The following WWOX variants were observed in gnomAD, a reference collection of about 807,000 sequenced individuals.
The protein encoded by WWOX is WW domain-containing oxidoreductase.
WWOX carries 69 observed loss-of-function variants against 46.2 expected under a neutral mutation model. The observed-to-expected ratio is 1.49, with a 90% CI of 1.23 to 1.82. The LOEUF (loss-of-function observed/expected upper bound fraction) is 1.82, where lower values mean the gene tolerates loss of function less well. Among genes scored for constraint, WWOX ranks in the 40% most tolerant of loss-of-function variants. The pLI is 0.00. For missense variants in WWOX, 919 were observed against 542.6 expected (o/e 1.69, Z -6.89); for synonymous variants, 359 against 202.6 (o/e 1.77, Z -6.56).
intron 1 of WWOX, among the ~76,000 whole-genome samples, chr16:78,100,521 G>C (rs889820805): frequency 1.3e-5 from 2 of 152,230 alleles, no homozygotes; most frequent in Non-Finnish European, 2.9e-5. Flanking sequence ...CCAGAATTGA[G>C]ATTACAGGCG....
intron 6 of WWOX, among the ~76,000 whole-genome samples, chr16:78,389,783 C>A (rs1163981906): frequency 6.6e-6 from 1 of 152,160 alleles, no homozygotes; most frequent in South Asian, 2.1e-4. Context: ...CAGGGTCTCG[C>A]TGTGTTGCCC....
chr16:78,330,445 A>G (rs897101073), intron 5 of WWOX, among the ~76,000 whole-genome samples: 2 of 151,124 alleles, frequency 1.3e-5, no homozygotes. Flanking sequence ...TTGCCAGGCT[A>G]TAGTGCACTG....
intron 8 of WWOX, among the ~76,000 whole-genome samples, chr16:78,982,753 A>G (rs906390134): frequency 6.6e-6 from 1 of 152,164 alleles, no homozygotes; most frequent in Non-Finnish European, 1.5e-5. Flanking sequence ...ACCCTCGAGA[A>G]GTTTGCATTA....
intron 8 of WWOX, among the ~76,000 whole-genome samples, chr16:78,797,399 A>T (rs1422980489): frequency 6.6e-6 from 1 of 150,762 alleles, no homozygotes; most frequent in Non-Finnish European, 1.5e-5. Context: ...AAATATAAAA[A>T]GGCAGCCCCG....
At chr16:78,109,174 G>A (rs564316871) in intron 2 of WWOX, among the ~76,000 whole-genome samples, 1 of 152,282 alleles carries the variant, frequency 6.6e-6, no homozygotes, top group East Asian at 1.9e-4. Context: ...CTGAGATAAT[G>A]TATGATCCAC....
At chr16:79,178,491 A>AT (rs1450229240) in intron 8 of WWOX, among the ~76,000 whole-genome samples, 2 of 151,936 alleles carry the variant, frequency 1.3e-5, no homozygotes, top group East Asian at 3.9e-4. Flanking sequence ...AATTTTCTAA[A>AT]TTTTTTGTAG....
At chr16:78,787,062 C>G (rs186923509) in intron 8 of WWOX, among the ~76,000 whole-genome samples, 1 of 152,096 alleles carries the variant, frequency 6.6e-6, no homozygotes, top group Non-Finnish European at 1.5e-5. Context: ...GCAGGAGAAT[C>G]GCTTGAACCT....
At chr16:78,404,771 C>T (rs191291632) in intron 6 of WWOX, among the ~76,000 whole-genome samples, 17 of 152,288 alleles carry the variant, frequency 1.1e-4, no homozygotes, top group Non-Finnish European at 2.9e-5. Context: ...GACCAGCCCC[C>T]ATCCTTACTG....
At chr16:79,138,221 T>C (rs1597408735) in intron 8 of WWOX, among the ~76,000 whole-genome samples, 1 of 152,182 alleles carries the variant, frequency 6.6e-6, no homozygotes, top group Admixed American at 6.5e-5. Flanking sequence ...CAGGGAGTCA[T>C]TCCAGTTGGG....
chr16:78,884,207 A>C (rs112231900), intron 8 of WWOX, among the ~76,000 whole-genome samples: 1,615 of 149,268 alleles, frequency 0.011, 33 homozygotes, highest in African/African-American at 0.038. Flanking sequence ...AGGGAGGTCA[A>C]GGCTACAGTG....
intron 8 of WWOX, among the ~76,000 whole-genome samples, chr16:78,682,225 C>G (rs1232505751): frequency 6.6e-6 from 1 of 152,126 alleles, no homozygotes; most frequent in Admixed American, 6.5e-5. Context: ...TGGGCCTAAC[C>G]CACTATGCCA....
chr16:79,175,033 C>G (rs924370519), intron 8 of WWOX, among the ~76,000 whole-genome samples: 32 of 152,194 alleles, frequency 2.1e-4, no homozygotes, highest in Admixed American at 1.1e-3. Context: ...CTTCTAACCT[C>G]CCTCTCATTA....
chr16:78,282,826 C>T (rs995704119), intron 5 of WWOX, among the ~76,000 whole-genome samples: 1 of 145,936 alleles, frequency 6.9e-6, no homozygotes. Flanking sequence ...TGCAGTGAGC[C>T]GAGATCGTGC....
intron 5 of WWOX, among the ~76,000 whole-genome samples, chr16:78,278,240 T>C (rs1441326394): frequency 1.3e-5 from 2 of 152,164 alleles, no homozygotes; most frequent in Admixed American, 6.5e-5. Flanking sequence ...ATATCTAGTG[T>C]AATGTGAAGT....
At position 79,211,589 on chromosome 16, in the gene WWOX, TTTC is replaced by T. The variant is rs1374485283; in HGVS notation, c.1057-13_1057-11del. 5.0e-6 allele frequency: 8 copies of T among 1,613,850 alleles called. No individual in the cohort carries two copies. The African/African-American group carries it at 5.3e-5, about 11-fold the overall frequency. On this transcript the variant is annotated splice_polypyrimidine_tract_variant and intron_variant, in intron 8 of 8. Coordinates refer to ENST00000566780, the MANE Select transcript of WWOX (RefSeq NM_016373.4). ...CCTTTTCTTAAAATTTTTTTTTGTCTTTCTTCTTGGATTTCCAGCAACAGGGAG... is the reference window on the plus strand; with the variant it reads ...CCTTTTCTTAAAATTTTTTTTTGTCTTTCTTGGATTTCCAGCAACAGGGAG...
At chr16:79,122,525 TTC>T (rs1162764219) in intron 8 of WWOX, among the ~76,000 whole-genome samples, 3 of 152,102 alleles carry the variant, frequency 2.0e-5, no homozygotes, top group African/African-American at 7.2e-5. Flanking sequence ...CCTTCCTTCC[TTC>T]TCTCTATCCT....
At chr16:78,397,117 C>T (rs138466323) in intron 6 of WWOX, among the ~76,000 whole-genome samples, 1 of 152,224 alleles carries the variant, frequency 6.6e-6, no homozygotes, top group African/African-American at 2.4e-5. Flanking sequence ...TGAAGAAACT[C>T]CCCCATGATA....
At chr16:78,829,133 G>GGATGGAC (rs1567589201) in intron 8 of WWOX, among the ~76,000 whole-genome samples, 21 of 133,344 alleles carry the variant, frequency 1.6e-4, no homozygotes, top group African/African-American at 6.0e-4. Context: ...GATGGATGGA[G>GGATGGAC]AGAGAGAGAG....
intron 8 of WWOX, among the ~76,000 whole-genome samples, chr16:78,784,335 A>T (rs546973110): frequency 6.6e-6 from 1 of 152,154 alleles, no homozygotes; most frequent in Non-Finnish European, 1.5e-5. Context: ...CCCTGATGAG[A>T]TTACAGGTCC....
Sources: gnomAD v4.1 joint callset for allele counts (sites outside exome capture counted in the v4.1 genomes callset) on GRCh38, gnomAD v4.1.1 for gene constraint, MANE v1.5 for transcripts, NCBI Gene and HGNC (gene_info 2026-07-23, HGNC 2026-07-21) for gene names.